The following PTPRD variants were observed in gnomAD, a reference collection of about 807,000 sequenced individuals.
The protein encoded by PTPRD is receptor-type tyrosine-protein phosphatase delta.
Under a neutral mutation model 214.5 loss-of-function variants are expected in PTPRD, and 34 were observed. The observed-to-expected ratio is 0.16, with a 90% confidence interval of 0.12 to 0.21. The LOEUF (loss-of-function observed/expected upper bound fraction) is 0.21, where lower values mean the gene tolerates loss of function less well. PTPRD is among the 10% of genes least tolerant of loss of function. The pLI is 1.00. For missense variants in PTPRD, 2,545 were observed against 2,398.7 expected, an observed-to-expected ratio of 1.06 and a Z score of -1.27; for synonymous variants, 1,128 against 845.7, an observed-to-expected ratio of 1.33 and a Z score of -5.79.
In PTPRD at chr9:8,795,260, G is replaced by A. The variant is rs1357763190; in HGVS notation, c.-103-61314C>T. ...GCTCACTGCAACCTCCGCCTCCCAG[G>A]TTCAAACAATTCTCCTGCCTCAGCC... On this transcript the variant is annotated intron_variant, in intron 11 of 45. Coordinates refer to ENST00000381196, the MANE Select transcript of PTPRD (RefSeq NM_002839.4). Among the ~76,000 whole-genome samples, 6 of 152,114 alleles carry A rather than the reference G, an allele frequency of 3.9e-5. No homozygotes were observed. The East Asian group carries it at 9.7e-4, about 25-fold the overall frequency.
chr9:9,228,127 C>A (rs1270168942), intron 9 of PTPRD, among the ~76,000 whole-genome samples: 1 of 152,066 alleles, frequency 6.6e-6, no homozygotes, highest in Non-Finnish European at 1.5e-5. Context: ...TTACATTTTA[C>A]ATATATATGC....
chr9:9,341,791 G>A (rs1463286675), intron 9 of PTPRD, among the ~76,000 whole-genome samples: 1 of 151,806 alleles, frequency 6.6e-6, no homozygotes, highest in East Asian at 1.9e-4. Flanking sequence ...AACACTTCAA[G>A]ATTTTATTTA....
chr9:9,958,525 C>T (rs568145377), intron 4 of PTPRD, among the ~76,000 whole-genome samples: 2 of 152,178 alleles, frequency 1.3e-5, no homozygotes, highest in African/African-American at 2.4e-5. Context: ...GAGCAAAACT[C>T]CATCTCAAAA....
chr9:10,315,895 A>C (rs2096409179), intron 3 of PTPRD, among the ~76,000 whole-genome samples: 1 of 151,892 alleles, frequency 6.6e-6, no homozygotes, highest in African/African-American at 2.4e-5. Context: ...CTTTCTCATG[A>C]AAGTTTCATG....
intron 2 of PTPRD, among the ~76,000 whole-genome samples, chr9:10,513,524 G>A (rs2048990779): frequency 6.6e-6 from 1 of 152,254 alleles, no homozygotes; most frequent in East Asian, 1.9e-4. Flanking sequence ...ATAAGGAACA[G>A]GTAGATAAGT....
chr9:9,723,463 A>G (rs7862707), intron 7 of PTPRD, among the ~76,000 whole-genome samples: 132,413 of 151,962 alleles, frequency 0.87, 57,971 homozygotes, highest in African/African-American at 0.95. Flanking sequence ...ATCAGAAACT[A>G]TGAGTCCTCC....
At chr9:9,234,219 T>G (rs1406521197) in intron 9 of PTPRD, among the ~76,000 whole-genome samples, 1 of 152,194 alleles carries the variant, frequency 6.6e-6, no homozygotes, top group Non-Finnish European at 1.5e-5. Context: ...ACAGGTAAGC[T>G]GCAAGGCTTG....
At chr9:8,739,411 C>T (rs1172690839) in intron 11 of PTPRD, among the ~76,000 whole-genome samples, 3 of 152,168 alleles carry the variant, frequency 2.0e-5, no homozygotes, top group African/African-American at 2.4e-5. Context: ...TCTGCATTGA[C>T]TAATAATTGA....
intron 14 of PTPRD, among the ~76,000 whole-genome samples, chr9:8,569,545 A>G (rs1298063850): frequency 6.6e-6 from 1 of 152,084 alleles, no homozygotes; most frequent in Non-Finnish European, 1.5e-5. Context: ...TCCCCTCAAC[A>G]ATTGGTGTGT....
At chr9:9,301,048 G>A (rs1249837415) in intron 9 of PTPRD, among the ~76,000 whole-genome samples, 1 of 151,586 alleles carries the variant, frequency 6.6e-6, no homozygotes, top group African/African-American at 2.4e-5. Flanking sequence ...TTCAGTATCT[G>A]GCACAAAGCA....
intron 26 of PTPRD, among the ~76,000 whole-genome samples, chr9:8,496,257 A>G (rs1225410255): frequency 6.6e-6 from 1 of 151,352 alleles, no homozygotes; most frequent in Non-Finnish European, 1.5e-5. Flanking sequence ...GTCTTTAGTC[A>G]TCCCTTAAAT....
At chr9:9,343,109 C>T (rs1238668526) in intron 9 of PTPRD, among the ~76,000 whole-genome samples, 1 of 152,280 alleles carries the variant, frequency 6.6e-6, no homozygotes, top group Non-Finnish European at 1.5e-5. Context: ...ATATGTGCCA[C>T]ATTTTCTTCA....
chr9:10,074,700 GT>G (rs2098102116), intron 3 of PTPRD, among the ~76,000 whole-genome samples: 1 of 152,106 alleles, frequency 6.6e-6, no homozygotes, highest in Non-Finnish European at 1.5e-5. Flanking sequence ...AGAGGAAAGA[GT>G]GGGCTCCTGT....
intron 11 of PTPRD, among the ~76,000 whole-genome samples, chr9:8,915,589 C>G (rs1456347643): frequency 1.3e-5 from 2 of 152,248 alleles, no homozygotes; most frequent in Admixed American, 6.5e-5. Context: ...AGAGCTACAG[C>G]TGGCAAGCTA....
chr9:9,257,698 T>A (rs1041916524), intron 9 of PTPRD, among the ~76,000 whole-genome samples: 1 of 151,762 alleles, frequency 6.6e-6, no homozygotes, highest in African/African-American at 2.4e-5. Flanking sequence ...GTGGGAGGAT[T>A]GGTTAAGCCC....
At chr9:10,349,971 T>C (rs2097154557) in intron 2 of PTPRD, among the ~76,000 whole-genome samples, 1 of 152,206 alleles carries the variant, frequency 6.6e-6, no homozygotes, top group African/African-American at 2.4e-5. Context: ...GGGATCCTTT[T>C]TGTTTTAAAT....
chr9:9,194,556 G>C (rs1410407885), intron 9 of PTPRD, among the ~76,000 whole-genome samples: 1 of 152,080 alleles, frequency 6.6e-6, no homozygotes, highest in Non-Finnish European at 1.5e-5. Context: ...TGGGACCACT[G>C]TCATGTACTT....
Position 9,325,927 on chromosome 9 carries a change from C to T in PTPRD, c.-203+71522G>A, listed in dbSNP as rs148979636. Reference sequence around the variant, plus strand: ...AGGGCTGTTGAACTTTGTCAAAGGCCTTTTCTGCTTCTATTGAGATAATCA... The same window carrying T: ...AGGGCTGTTGAACTTTGTCAAAGGCTTTTTCTGCTTCTATTGAGATAATCA... On this transcript the variant is annotated intron_variant, in intron 9 of 45. Transcript: ENST00000381196. Among the ~76,000 whole-genome samples, 755 of 152,180 alleles carry T rather than the reference C, an allele frequency of 5.0e-3. 10 individuals carry two copies. The highest frequency in any genetic ancestry group is 0.018 in the African/African-American group (738 of 41,524).
At chr9:10,597,285 T>C (rs2076843091) in intron 2 of PTPRD, among the ~76,000 whole-genome samples, 1 of 151,728 alleles carries the variant, frequency 6.6e-6, no homozygotes. Context: ...ATACACATGT[T>C]ACTATCTTTA....
Sources: gnomAD v4.1 joint callset for allele counts (sites outside exome capture counted in the v4.1 genomes callset) on GRCh38, gnomAD v4.1.1 for gene constraint, MANE v1.5 for transcripts, NCBI Gene and HGNC (gene_info 2026-07-23, HGNC 2026-07-21) for gene names.